The following CALCOCO2 variants were observed in gnomAD, a reference collection of about 807,000 sequenced individuals.
The protein encoded by CALCOCO2 is calcium-binding and coiled-coil domain-containing protein 2.
Under a neutral mutation model 62.5 loss-of-function variants are expected in CALCOCO2, and 42 were observed. The ratio of observed to expected loss-of-function variants is 0.67; its 90% confidence interval spans 0.53 to 0.87. CALCOCO2 has a LOEUF of 0.87. Ranked by LOEUF, CALCOCO2 falls within the 40% of genes least tolerant of loss-of-function variation. The pLI is 0.00. For synonymous variants in CALCOCO2, 167 were observed against 173.0 expected (o/e 0.97, Z 0.27); for missense variants, 456 against 515.0 (o/e 0.89, Z 1.11).
intron 1 of CALCOCO2, among the ~76,000 whole-genome samples, chr17:48,832,495 C>A (rs1257113521): frequency 6.6e-6 from 1 of 152,218 alleles, no homozygotes; most frequent in Non-Finnish European, 1.5e-5. Context: ...TGAACTCTTT[C>A]ACTTCTTTTT....
chr17:48,848,594 C>G, intron 4 of CALCOCO2, 139 bp downstream of exon 4: 1 of 764,480 alleles, frequency 1.3e-6, no homozygotes, highest in South Asian at 1.7e-5. Flanking sequence ...CTCACACAGA[C>G]TCACTCAGGA....
chr17:48,847,005 C>T (rs1055283471), intron 2 of CALCOCO2, among the ~76,000 whole-genome samples: 1 of 152,144 alleles, frequency 6.6e-6, no homozygotes, highest in Non-Finnish European at 1.5e-5. Flanking sequence ...GCTTTCTGCT[C>T]TGAGGCGTGT....
chr17:48,842,030 C>CT, intron 2 of CALCOCO2, 143 bp downstream of exon 2: 1 of 516,064 alleles, frequency 1.9e-6, no homozygotes, highest in Non-Finnish European at 3.4e-6. Context: ...CACAGCACTT[C>CT]TCTCTTCACA....
intron 2 of CALCOCO2, among the ~76,000 whole-genome samples, chr17:48,844,684 AT>A (rs2040022261): frequency 6.6e-6 from 1 of 151,984 alleles, no homozygotes; most frequent in Non-Finnish European, 1.5e-5. Context: ...TGCGCAGCTA[AT>A]TTTTGTATTT....
chr17:48,850,465 T>G (rs2143629380), intron 5 of CALCOCO2, among the ~76,000 whole-genome samples: 1 of 150,972 alleles, frequency 6.6e-6, no homozygotes, highest in Non-Finnish European at 1.5e-5. Flanking sequence ...TCAAAAAAAA[T>G]TAAAAACAAA....
intron 1 of CALCOCO2, among the ~76,000 whole-genome samples, chr17:48,838,289 A>G (rs2039924501): frequency 6.6e-6 from 1 of 152,182 alleles, no homozygotes; most frequent in South Asian, 2.1e-4. Flanking sequence ...TATAGATAAC[A>G]TAACCAATTA....
At chr17:48,843,681 A>T (rs2040005755) in intron 2 of CALCOCO2, among the ~76,000 whole-genome samples, 1 of 152,232 alleles carries the variant, frequency 6.6e-6, no homozygotes, top group South Asian at 2.1e-4. Context: ...GTGCCAACCC[A>T]CCAGAGTGTT....
Position 48,852,628 on chromosome 17 carries a change from G to GGTA in CALCOCO2, c.825+2_825+4dup. 6.2e-7 allele frequency: 1 copy of GGTA among 1,611,446 alleles called. No individual in the cohort carries two copies. The highest frequency in any genetic ancestry group is 1.1e-5 in the South Asian group (1 of 90,752). Reference sequence around the variant, plus strand: ...ACCTCTTTCTCAGTTTAACTGAACAGGTAGAGTCATGAGAGAAAACAACAC... The same window carrying GGTA: ...ACCTCTTTCTCAGTTTAACTGAACAGGTAGTAGAGTCATGAGAGAAAACAACAC... On this transcript the variant is annotated inframe_insertion and splice_region_variant. Coordinates refer to ENST00000258947, the MANE Select transcript of CALCOCO2 (RefSeq NM_005831.5).
At chr17:48,854,366 C>CTTGGT (rs1160126210) in intron 9 of CALCOCO2, among the ~76,000 whole-genome samples, 5 of 55,094 alleles carry the variant, frequency 9.1e-5, no homozygotes, top group Non-Finnish European at 3.3e-5. Flanking sequence ...TATGGATTTC[C>CTTGGT]TTGGTTTTCT....
At position 48,863,346 on chromosome 17, in the gene CALCOCO2, T is replaced by A; in HGVS notation, c.*341T>A. On this transcript the variant is annotated 3_prime_UTR_variant, in exon 13 of 13. Coordinates refer to ENST00000258947, the MANE Select transcript of CALCOCO2 (RefSeq NM_005831.5). ...GATACTAAGTGATTAGTTTTCCAAG[T>A]TGTCCCACTGCCATTCAAAGTCAGC... The A allele has an allele frequency of 3.4e-6, 1 of 294,206 alleles. No homozygotes were observed. Among genetic ancestry groups the A allele is most frequent in the South Asian group, 3.3e-5 (1 of 30,756 alleles). The allele number at this position is 294,206 out of a possible 1,614,324, so 18.2% of individuals were successfully genotyped here.
chr17:48,852,493 A>G lies in CALCOCO2; in HGVS notation c.703-13A>G, dbSNP rs747213806. The G allele has an allele frequency of 5.0e-6, 8 of 1,609,028 alleles. No homozygotes were observed. Among genetic ancestry groups the G allele is most frequent in the South Asian group, 1.1e-5 (1 of 90,642 alleles). On this transcript the variant is annotated splice_polypyrimidine_tract_variant and intron_variant, in intron 7 of 12. Coordinates refer to ENST00000258947, the MANE Select transcript of CALCOCO2 (RefSeq NM_005831.5). ...CTTTTATATCTTGGTTATGTTCACT[A>G]TTTTTGTTTTAGGCCCAGCTGTCAA...
At chr17:48,855,688 C>T (rs2143650991) in intron 9 of CALCOCO2, 1 of 152,778 alleles carries the variant, frequency 6.5e-6, no homozygotes, top group East Asian at 1.9e-4. Flanking sequence ...CTAACCCAAA[C>T]CTAAGTGCTT....
At position 48,845,320 on chromosome 17, in the gene CALCOCO2, G is replaced by GGTGTGTGT. The variant is rs55686005; in HGVS notation, c.181-2721_181-2714dup. 4.3e-3 allele frequency among the ~76,000 whole-genome samples: 593 copies of GGTGTGTGT among 137,242 alleles called. 6 individuals carry two copies. Among genetic ancestry groups the GGTGTGTGT allele is most frequent in the Middle Eastern group, 0.03 (8 of 266 alleles). The allele number at this position is 137,242 out of a possible 152,430, so 90.0% of individuals were successfully genotyped here. A position where few individuals can be genotyped will look rare whatever the true frequency, so the allele number is the denominator to read the frequency against. ...CACACTATGCTAGGCCTATGTTGAG[G>GGTGTGTGT]GTGTGTGTGTGTGTGTGTGTGTGTG... On this transcript the variant is annotated intron_variant, in intron 2 of 12. Transcript: ENST00000258947.
intron 1 of CALCOCO2, among the ~76,000 whole-genome samples, chr17:48,833,080 G>A (rs1238235490): frequency 2.0e-5 from 3 of 152,138 alleles, no homozygotes; most frequent in Admixed American, 2.0e-4. Context: ...TCGATAATTT[G>A]AAGACCAGTG....
At chr17:48,839,629 G>GT (rs995481874) in intron 1 of CALCOCO2, 1 of 141,700 alleles carries the variant, frequency 7.1e-6, no homozygotes, top group Admixed American at 7.1e-5. Context: ...GATTACAGGT[G>GT]TAAGCCACAG....
intron 12 of CALCOCO2, 32 bp from the exon 13 acceptor site, chr17:48,862,806 A>G: frequency 6.2e-7 from 1 of 1,602,006 alleles, no homozygotes; most frequent in Non-Finnish European, 8.6e-7. Flanking sequence ...TATAGCTTAC[A>G]TTTGTACTGA....
At chr17:48,853,372 A>C (rs1250140068) in intron 9 of CALCOCO2, 1 of 163,834 alleles carries the variant, frequency 6.1e-6, no homozygotes, top group Non-Finnish European at 1.3e-5. Flanking sequence ...AAAATATACC[A>C]CCCAAAGCAA....
intron 2 of CALCOCO2, among the ~76,000 whole-genome samples, chr17:48,846,908 A>AAG (rs2040060490): frequency 6.6e-6 from 1 of 151,996 alleles, no homozygotes; most frequent in Non-Finnish European, 1.5e-5. Flanking sequence ...CTTCCTTTCT[A>AAG]TTCTCTGGTG....
chr17:48,848,299 G>C, intron 3 of CALCOCO2, 23 bp from the exon 4 acceptor site: 1 of 1,608,348 alleles, frequency 6.2e-7, no homozygotes, highest in African/African-American at 1.3e-5. Flanking sequence ...TATTTTGGAT[G>C]AAAAATTATG....
Sources: allele counts gnomAD v4.1 joint callset (sites outside exome capture counted in the v4.1 genomes callset), GRCh38; gene constraint gnomAD v4.1.1; transcripts MANE v1.5; gene names NCBI Gene and HGNC (gene_info 2026-07-23, HGNC 2026-07-21).